The following ADAMTS3 variants were observed in gnomAD, a reference collection of about 807,000 sequenced individuals.
The protein encoded by ADAMTS3 is A disintegrin and metalloproteinase with thrombospondin motifs 3.
A neutral mutation model predicts 129.0 loss-of-function variants in ADAMTS3; 73 were observed. The ratio of observed to expected loss-of-function variants is 0.57; its 90% CI spans 0.47 to 0.69. ADAMTS3 has a LOEUF of 0.69. Among genes scored for constraint, ADAMTS3 ranks in the 30% least tolerant of loss-of-function variants. The pLI is 0.00. For missense variants in ADAMTS3, 1,457 were observed against 1,514.5 expected (o/e 0.96, Z 0.63); for synonymous variants, 477 against 510.8 (o/e 0.93, Z 0.89).
In ADAMTS3 at chr4:72,309,668, T is replaced by C. The variant is rs1719179756; in HGVS notation, c.2056-148A>G. ...CACTGTAGTCATAATTTTTAATACC[T>C]CAGTTTTTTAAAAAAAATAATGGGA... On this transcript the variant is annotated intron_variant, in intron 14 of 21. Transcript: ENST00000286657. 3 of 762,140 alleles carry C rather than the reference T, an allele frequency of 3.9e-6. No individual in the cohort carries two copies. The African/African-American group carries it at 5.3e-5, about 13-fold the overall frequency. 47.2% of individuals were successfully genotyped at this position (762,140 alleles called of 1,614,324 possible). A position where few individuals can be genotyped will look rare whatever the true frequency, so the allele number is the denominator to read the frequency against.
chr4:72,481,813 CAA>C (rs1437906437), intron 3 of ADAMTS3, among the ~76,000 whole-genome samples: 1 of 151,720 alleles, frequency 6.6e-6, no homozygotes, highest in African/African-American at 2.4e-5. Context: ...TAGATTAGCT[CAA>C]AATGTAAATT....
At chr4:72,379,323 G>T (rs1258628257) in intron 4 of ADAMTS3, among the ~76,000 whole-genome samples, 3 of 151,862 alleles carry the variant, frequency 2.0e-5, no homozygotes, top group Non-Finnish European at 4.4e-5. Context: ...GGCCACAGGG[G>T]CAAGGCAAAG....
intron 3 of ADAMTS3, among the ~76,000 whole-genome samples, chr4:72,463,310 T>C (rs954987306): frequency 1.3e-5 from 2 of 151,970 alleles, no homozygotes; most frequent in African/African-American, 4.8e-5. Flanking sequence ...TCAGAATATA[T>C]CCTCCACATT....
At chr4:72,321,450 G>A (rs1012339740) in intron 6 of ADAMTS3, among the ~76,000 whole-genome samples, 1 of 151,828 alleles carries the variant, frequency 6.6e-6, no homozygotes, top group Non-Finnish European at 1.5e-5. Context: ...CCCAAAGCAT[G>A]GGAATGTTTG....
chr4:72,493,321 CCTTT>C (rs1403527827), intron 3 of ADAMTS3, among the ~76,000 whole-genome samples: 3 of 151,790 alleles, frequency 2.0e-5, no homozygotes, highest in African/African-American at 7.2e-5. Context: ...TTGTTATCTT[CCTTT>C]GTTATTCTAT....
In ADAMTS3 at chr4:72,546,492, T is replaced by C. The variant is rs181948997; in HGVS notation, c.504+1986A>G. ...AAACCTCTGTCCTAGATAAACCCCC[T>C]TGATCTTAAAATCAGCCCACAGGGA... is the stretch of plus-strand genomic sequence containing the variant. On this transcript the variant is annotated intron_variant, in intron 3 of 21. Transcript: ENST00000286657. Among the ~76,000 whole-genome samples the C allele has an allele frequency of 2.0e-5, 3 of 152,202 alleles. No homozygotes were observed. In the East Asian group the frequency reaches 5.8e-4, roughly 29 times the overall value.
intron 3 of ADAMTS3, among the ~76,000 whole-genome samples, chr4:72,497,270 C>T (rs565620169): frequency 6.6e-6 from 1 of 151,976 alleles, no homozygotes; most frequent in Non-Finnish European, 1.5e-5. Flanking sequence ...TATACAGACA[C>T]TACCACAAAA....
intron 3 of ADAMTS3, among the ~76,000 whole-genome samples, chr4:72,480,012 T>A (rs1719382298): frequency 6.6e-6 from 1 of 152,050 alleles, no homozygotes; most frequent in African/African-American, 2.4e-5. Flanking sequence ...CTCACACCAG[T>A]TAGAATGGCA....
At chr4:72,492,484 T>C (rs1719773082) in intron 3 of ADAMTS3, among the ~76,000 whole-genome samples, 2 of 151,850 alleles carry the variant, frequency 1.3e-5, no homozygotes, top group Non-Finnish European at 3.0e-5. Context: ...TAATTTTCAG[T>C]GTAGAGCTTA....
chr4:72,449,629 G>A (rs915624741), intron 3 of ADAMTS3, among the ~76,000 whole-genome samples: 1 of 151,698 alleles, frequency 6.6e-6, no homozygotes, highest in Non-Finnish European at 1.5e-5. Flanking sequence ...ACAGCAAGAT[G>A]AACATTTTCA....
In ADAMTS3 at chr4:72,453,692, T is replaced by A. The variant is rs75339347; in HGVS notation, c.505-38721A>T. Among the ~76,000 whole-genome samples, 1,328 of 151,678 alleles carry A rather than the reference T, an allele frequency of 8.8e-3. 27 individuals are homozygous for A. The highest frequency in any genetic ancestry group is 0.031 in the African/African-American group (1,269 of 41,448). On this transcript the variant is annotated intron_variant, in intron 3 of 21. Transcript: ENST00000286657. Reference sequence around the variant, plus strand: ...CTATGGTCCCAGTATATAGAGGCCATCCTCAGGATGGGTACTTGTTAATTT... The same window carrying A: ...CTATGGTCCCAGTATATAGAGGCCAACCTCAGGATGGGTACTTGTTAATTT...
chr4:72,362,438 A>T (rs1288502888), intron 4 of ADAMTS3, among the ~76,000 whole-genome samples: 1 of 152,306 alleles, frequency 6.6e-6, no homozygotes, highest in East Asian at 1.9e-4. Flanking sequence ...ATAACATGGT[A>T]TCATGGGAAA....
chr4:72,449,688 C>A (rs1206642975), intron 3 of ADAMTS3, among the ~76,000 whole-genome samples: 3 of 151,716 alleles, frequency 2.0e-5, no homozygotes, highest in Non-Finnish European at 2.9e-5. Context: ...TCCTTCCTGG[C>A]CCCTATTATA....
intron 3 of ADAMTS3, among the ~76,000 whole-genome samples, chr4:72,428,308 C>CT (rs1560511971): frequency 6.6e-6 from 1 of 152,010 alleles, no homozygotes; most frequent in African/African-American, 2.4e-5. Context: ...CTCTTAGCTA[C>CT]TTTTCATAAA....
At chr4:72,526,568 TTA>T (rs1366989394) in intron 3 of ADAMTS3, among the ~76,000 whole-genome samples, 752 of 28,132 alleles carry the variant, frequency 0.027, 13 homozygotes, top group African/African-American at 0.072. Flanking sequence ...CTAATGAAAT[TTA>T]TGTGTGTGTG....
intron 4 of ADAMTS3, among the ~76,000 whole-genome samples, chr4:72,342,659 A>G (rs1720169857): frequency 6.6e-6 from 1 of 152,146 alleles, no homozygotes; most frequent in African/African-American, 2.4e-5. Context: ...GGCGTGAGCC[A>G]CCACACCTGG....
intron 4 of ADAMTS3, among the ~76,000 whole-genome samples, chr4:72,347,886 G>A (rs774460381): frequency 1.1e-4 from 16 of 151,734 alleles, no homozygotes; most frequent in East Asian, 9.7e-4. Flanking sequence ...CACAGCTGCC[G>A]TTTCAAAGCT....
At chr4:72,500,565 C>G (rs972524136) in intron 3 of ADAMTS3, among the ~76,000 whole-genome samples, 6 of 152,068 alleles carry the variant, frequency 3.9e-5, no homozygotes, top group Admixed American at 2.6e-4. Flanking sequence ...TGTAGGTTGT[C>G]TGTTTAATCT....
intron 21 of ADAMTS3, among the ~76,000 whole-genome samples, chr4:72,287,804 T>C (rs1718550437): frequency 6.6e-6 from 1 of 152,036 alleles, no homozygotes; most frequent in Admixed American, 6.6e-5. Flanking sequence ...TAGAGAGCTA[T>C]GGAAATGGAG....
Sources: gnomAD v4.1 joint callset for allele counts (sites outside exome capture counted in the v4.1 genomes callset) on GRCh38, gnomAD v4.1.1 for gene constraint, MANE v1.5 for transcripts, NCBI Gene and HGNC (gene_info 2026-07-23, HGNC 2026-07-21) for gene names.